CSMD1: variants seen among roughly 807,000 people sequenced by gnomAD.
The protein encoded by CSMD1 is CUB and Sushi multiple domains 1.
In CSMD1, 213 loss-of-function variants were observed where a neutral mutation model predicts 417.5. The ratio of observed to expected loss-of-function variants is 0.51; its 90% CI spans 0.46 to 0.57. The LOEUF (loss-of-function observed/expected upper bound fraction) is 0.57. Ranked by LOEUF, CSMD1 falls within the 20% of genes least tolerant of loss-of-function variation. The pLI is 0.00. For missense variants in CSMD1, 6,923 were observed against 4,529.7 expected, an observed-to-expected ratio of 1.53 and a Z score of -15.17; for synonymous variants, 2,862 against 1,736.8, an observed-to-expected ratio of 1.65 and a Z score of -16.11.
intron 1 of CSMD1, among the ~76,000 whole-genome samples, chr8:4,696,596 A>G (rs1211756284): frequency 2.0e-5 from 3 of 152,192 alleles, no homozygotes; most frequent in Non-Finnish European, 4.4e-5. Flanking sequence ...TTTCCCCCGT[A>G]TTACCCAGAT....
At chr8:4,311,380 T>A (rs1331270597) in intron 3 of CSMD1, among the ~76,000 whole-genome samples, 1 of 152,184 alleles carries the variant, frequency 6.6e-6, no homozygotes, top group East Asian at 1.9e-4. Context: ...GCCATTATTC[T>A]TGGCAAACTA....
In CSMD1 at chr8:4,408,116, A is replaced by G. The variant is rs149450544; in HGVS notation, c.415+11837T>C. On this transcript the variant is annotated intron_variant, in intron 3 of 69. Transcript: ENST00000635120. ...CACAAAAAGTTTATGCCTGAATGGAAAAACAAAATGGAAACTTCGAGTACA... is the reference window on the plus strand; with the variant it reads ...CACAAAAAGTTTATGCCTGAATGGAGAAACAAAATGGAAACTTCGAGTACA... 8.5e-5 allele frequency among the ~76,000 whole-genome samples: 13 copies of G among 152,336 alleles called. No homozygotes were observed. In the East Asian group the frequency reaches 2.3e-3, roughly 27 times the overall value.
intron 10 of CSMD1, among the ~76,000 whole-genome samples, chr8:3,522,367 A>G (rs1030825110): frequency 1.3e-5 from 2 of 152,232 alleles, no homozygotes; most frequent in Non-Finnish European, 2.9e-5. Flanking sequence ...AATGTATGTC[A>G]GGAACAAGTA....
intron 18 of CSMD1, chr8:3,373,871 T>C (rs1352181621): frequency 6.6e-6 from 1 of 152,124 alleles, no homozygotes; most frequent in Non-Finnish European, 1.5e-5. Flanking sequence ...AGGACTAAGA[T>C]ATGCAGAAAT....
chr8:2,978,121 G>A (rs942635234), intron 55 of CSMD1, among the ~76,000 whole-genome samples: 6 of 152,150 alleles, frequency 3.9e-5, no homozygotes, highest in African/African-American at 1.4e-4. Context: ...ACCATGGACT[G>A]TACCAGGAAT....
intron 52 of CSMD1, among the ~76,000 whole-genome samples, chr8:3,003,715 C>T (rs1261642877): frequency 6.6e-6 from 1 of 152,098 alleles, no homozygotes; most frequent in African/African-American, 2.4e-5. Flanking sequence ...GGTGTGCGGA[C>T]CTAGCAGGCT....
chr8:4,707,471 G>A (rs1653086278), intron 1 of CSMD1, among the ~76,000 whole-genome samples: 1 of 152,168 alleles, frequency 6.6e-6, no homozygotes, highest in Admixed American at 6.5e-5. Context: ...AGAAACGCCT[G>A]AATTTTTAGA....
In CSMD1 at chr8:4,104,407, TGCACAC is replaced by T. The variant is rs201312600; in HGVS notation, c.416-72314_416-72309del. Among the ~76,000 whole-genome samples the T allele has an allele frequency of 1.1e-3, 155 of 147,244 alleles. 2 individuals are homozygous for T. In the East Asian group the frequency reaches 0.027, roughly 25 times the overall value. On this transcript the variant is annotated intron_variant, in intron 3 of 69. Transcript: ENST00000635120. ...TACTACACACACACGTGTACACACA[TGCACAC>T]GCACACACACATGCGCACACGCATG...
At chr8:3,436,570 T>C (rs1028275974) in intron 12 of CSMD1, among the ~76,000 whole-genome samples, 6 of 152,214 alleles carry the variant, frequency 3.9e-5, no homozygotes, top group African/African-American at 1.2e-4. Flanking sequence ...TTCTACCTTC[T>C]ATATCTTATA....
At chr8:3,982,829 A>G (rs533236996) in intron 5 of CSMD1, among the ~76,000 whole-genome samples, 10 of 152,348 alleles carry the variant, frequency 6.6e-5, no homozygotes, top group Admixed American at 3.9e-4. Context: ...CACGATGGTC[A>G]CTTTCATCAT....
At chr8:3,762,037 C>T (rs374335276) in intron 5 of CSMD1, among the ~76,000 whole-genome samples, 6 of 152,222 alleles carry the variant, frequency 3.9e-5, no homozygotes, top group South Asian at 4.1e-4. Flanking sequence ...TTTCCTTGTG[C>T]CCTCCTATAG....
At position 4,034,326 on chromosome 8, in the gene CSMD1, G is replaced by A. The variant is rs1410469932; in HGVS notation, c.416-2227C>T. On this transcript the variant is annotated intron_variant, in intron 3 of 69. Coordinates refer to ENST00000635120, the MANE Select transcript of CSMD1 (RefSeq NM_033225.6). ...TGTTTATGAGATCTCTATTTACATA[G>A]TCAAAGTGTATTCAGTTCTAGTTTT... is the stretch of plus-strand genomic sequence containing the variant. 2.0e-5 allele frequency among the ~76,000 whole-genome samples: 3 copies of A among 152,224 alleles called. No individual in the cohort carries two copies. In the South Asian group the frequency reaches 6.2e-4, roughly 32 times the overall value.
At chr8:3,726,713 G>C (rs1802520049) in intron 6 of CSMD1, among the ~76,000 whole-genome samples, 1 of 152,102 alleles carries the variant, frequency 6.6e-6, no homozygotes, top group South Asian at 2.1e-4. Context: ...ATTTACCTAT[G>C]GGCCCTTGAA....
chr8:3,595,399 T>C (rs1801044414), intron 8 of CSMD1, among the ~76,000 whole-genome samples: 1 of 152,214 alleles, frequency 6.6e-6, no homozygotes, highest in Non-Finnish European at 1.5e-5. Context: ...TGGGTCATTT[T>C]TTCTTTTCAT....
intron 5 of CSMD1, among the ~76,000 whole-genome samples, chr8:3,887,298 T>TC (rs1201934817): frequency 6.6e-6 from 1 of 152,070 alleles, no homozygotes; most frequent in Non-Finnish European, 1.5e-5. Context: ...CGGTACATCC[T>TC]CCCCCCATCG....
intron 3 of CSMD1, among the ~76,000 whole-genome samples, chr8:4,047,231 G>C (rs1235313479): frequency 6.6e-6 from 1 of 152,112 alleles, no homozygotes; most frequent in Non-Finnish European, 1.5e-5. Context: ...TGACTCTAGT[G>C]TTCATCAAAG....
At chr8:3,748,392 T>C (rs1797160635) in intron 6 of CSMD1, among the ~76,000 whole-genome samples, 2 of 151,944 alleles carry the variant, frequency 1.3e-5, no homozygotes, top group South Asian at 2.1e-4. Flanking sequence ...GCAAGGGAGG[T>C]CCACTGCCAT....
intron 2 of CSMD1, among the ~76,000 whole-genome samples, chr8:4,601,724 T>C (rs1239811325): frequency 6.6e-6 from 1 of 152,218 alleles, no homozygotes; most frequent in Non-Finnish European, 1.5e-5. Flanking sequence ...CATTATGACT[T>C]ACAGTGCTTC....
chr8:4,750,383 G>T (rs1367873556), intron 1 of CSMD1, among the ~76,000 whole-genome samples: 1 of 152,076 alleles, frequency 6.6e-6, no homozygotes, highest in Non-Finnish European at 1.5e-5. Context: ...GTAGTTTAGG[G>T]TTATCAAGAT....
Sources: gnomAD v4.1 joint callset for allele counts (sites outside exome capture counted in the v4.1 genomes callset) on GRCh38, gnomAD v4.1.1 for gene constraint, MANE v1.5 for transcripts, NCBI Gene and HGNC (gene_info 2026-07-23, HGNC 2026-07-21) for gene names.